The following CNTNAP2 variants were observed in gnomAD, a reference collection of about 807,000 sequenced individuals.
CNTNAP2 encodes contactin-associated protein-like 2.
In CNTNAP2, 98 loss-of-function variants were observed where a neutral mutation model predicts 155.2. That is an observed-to-expected ratio of 0.63 (90% CI 0.54 to 0.75). The LOEUF (loss-of-function observed/expected upper bound fraction) is 0.75. CNTNAP2 is among the 30% of genes least tolerant of loss of function. The pLI, the probability that CNTNAP2 is intolerant of heterozygous loss-of-function variation, is 0.00. For synonymous variants in CNTNAP2, 651 were observed against 631.2 expected (o/e 1.03, Z -0.47); for missense variants, 1,727 against 1,688.1 (o/e 1.02, Z -0.40).
At chr7:148,039,602 C>A (rs73468147) in intron 15 of CNTNAP2, among the ~76,000 whole-genome samples, 11,733 of 152,200 alleles carry the variant, frequency 0.077, 1,085 homozygotes, top group African/African-American at 0.22. Flanking sequence ...CCAGTACCAA[C>A]CCCTAGGTTT....
rs756235546 is a variant in CNTNAP2 at position 147,763,191 on chromosome 7, G to A, written c.2098+123885G>A. On this transcript the variant is annotated intron_variant, in intron 13 of 23. Coordinates refer to ENST00000361727, the MANE Select transcript of CNTNAP2 (RefSeq NM_014141.6). The stretch of plus-strand genomic sequence containing the variant: ...GGAGAATCACTTGAACCCGGGAGGC[G>A]GAGGTTGTGGTGAGCCAAGATCATG... Among the ~76,000 whole-genome samples the A allele has an allele frequency of 5.3e-4, 81 of 151,664 alleles. 2 individuals are homozygous for A. The highest frequency in any genetic ancestry group is 3.5e-3 in the South Asian group (17 of 4,800).
At chr7:147,346,691 T>TA (rs1410048046) in intron 9 of CNTNAP2, among the ~76,000 whole-genome samples, 4 of 152,232 alleles carry the variant, frequency 2.6e-5, no homozygotes, top group Admixed American at 6.5e-5. Context: ...TACCACAATT[T>TA]ACACAGCAAA....
At chr7:148,118,347 C>G (rs1032705179) in intron 16 of CNTNAP2, 59 bp downstream of exon 16, 1 of 1,581,944 alleles carries the variant, frequency 6.3e-7, no homozygotes, top group Non-Finnish European at 8.7e-7. Flanking sequence ...CAGGGTGGTC[C>G]GGGTCCTGAT....
chr7:147,101,566 A>G (rs1197508166), intron 4 of CNTNAP2, among the ~76,000 whole-genome samples: 1 of 152,156 alleles, frequency 6.6e-6, no homozygotes, highest in Non-Finnish European at 1.5e-5. Context: ...TGGCATTCAG[A>G]AAGAATCAGG....
intron 1 of CNTNAP2, among the ~76,000 whole-genome samples, chr7:146,218,531 A>T (rs1799153802): frequency 2.6e-5 from 2 of 75,482 alleles, no homozygotes; most frequent in African/African-American, 7.0e-5. Flanking sequence ...AAAAACAAAA[A>T]CAAACAAACA....
intron 2 of CNTNAP2, among the ~76,000 whole-genome samples, chr7:146,787,687 C>T (rs1167095463): frequency 6.6e-6 from 1 of 152,186 alleles, no homozygotes. Flanking sequence ...TCACTGCTGG[C>T]TGGGGTGGCC....
intron 13 of CNTNAP2, among the ~76,000 whole-genome samples, chr7:147,668,099 G>C (rs910979475): frequency 5.9e-5 from 9 of 152,118 alleles, no homozygotes; most frequent in African/African-American, 1.7e-4. Context: ...TTGAGAAATT[G>C]ACTAATGAGG....
At chr7:147,405,526 G>T (rs1176647915) in intron 10 of CNTNAP2, among the ~76,000 whole-genome samples, 2 of 152,130 alleles carry the variant, frequency 1.3e-5, no homozygotes, top group African/African-American at 4.8e-5. Context: ...TCCTTCATTT[G>T]CTATATGCTC....
At chr7:147,732,758 G>A (rs539723594) in intron 13 of CNTNAP2, among the ~76,000 whole-genome samples, 286 of 152,266 alleles carry the variant, frequency 1.9e-3, no homozygotes, top group Middle Eastern at 6.8e-3. Flanking sequence ...ATCTCATTGT[G>A]GTTTTGATTT....
Position 147,178,372 on chromosome 7 carries a change from G to A in CNTNAP2, c.1348+45863G>A, listed in dbSNP as rs1026402840. Among the ~76,000 whole-genome samples, 3 of 152,168 alleles carry A rather than the reference G, an allele frequency of 2.0e-5. No individual in the cohort carries two copies. In the East Asian group the frequency reaches 5.8e-4, roughly 29 times the overall value. On this transcript the variant is annotated intron_variant, in intron 8 of 23. Coordinates refer to ENST00000361727, the MANE Select transcript of CNTNAP2 (RefSeq NM_014141.6). ...AAGGAACGTGGACCCCATTTAGAAG[G>A]TGGAAAAGGCAAGGAAACAGTTTCT...
intron 13 of CNTNAP2, among the ~76,000 whole-genome samples, chr7:147,746,361 T>G (rs1432825699): frequency 6.6e-6 from 1 of 152,218 alleles, no homozygotes; most frequent in Non-Finnish European, 1.5e-5. Flanking sequence ...CTTGTGCCCC[T>G]TCTAGTAGAG....
At chr7:148,022,710 G>A (rs1802306041) in intron 15 of CNTNAP2, among the ~76,000 whole-genome samples, 1 of 75,480 alleles carries the variant, frequency 1.3e-5, no homozygotes, top group South Asian at 2.9e-4. Context: ...TGTTTGTTTG[G>A]TTGGTTTTTT....
chr7:146,969,905 G>T (rs576744719), intron 3 of CNTNAP2, among the ~76,000 whole-genome samples: 1 of 152,094 alleles, frequency 6.6e-6, no homozygotes, highest in South Asian at 2.1e-4. Flanking sequence ...AAATAATGCC[G>T]CATATCTACA....
At chr7:147,273,987 T>G (rs1458829789) in intron 8 of CNTNAP2, among the ~76,000 whole-genome samples, 1 of 147,974 alleles carries the variant, frequency 6.8e-6, no homozygotes, top group East Asian at 1.9e-4. Context: ...GTATGTTATG[T>G]AGTATATATT....
intron 12 of CNTNAP2, among the ~76,000 whole-genome samples, chr7:147,600,757 C>T (rs936421554): frequency 6.6e-6 from 1 of 152,016 alleles, no homozygotes; most frequent in African/African-American, 2.4e-5. Flanking sequence ...TTTGACCTTC[C>T]CTTTCCTTTT....
At chr7:146,935,227 T>C (rs146389552) in intron 3 of CNTNAP2, among the ~76,000 whole-genome samples, 1 of 152,304 alleles carries the variant, frequency 6.6e-6, no homozygotes, top group African/African-American at 2.4e-5. Flanking sequence ...ACTCTTATCT[T>C]TGAGTAATTT....
rs2116789426 is a variant in CNTNAP2, at chr7:147,562,215, A to T, written c.1855A>T (p.Ser619Cys). Residue 619 changes from serine (S) to cysteine (C), a missense_variant, in exon 12 of 24, where the codon AGC (serine) becomes TGC (cysteine). Physicochemically the swap from Ser to Cys is moderately radical, Grantham distance 112 (BLOSUM62 -1). Coordinates refer to ENST00000361727, the MANE Select transcript of CNTNAP2 (RefSeq NM_014141.6). Reference sequence around the variant, plus strand: ...TTATTACTGGATAGATCCTGATGGCAGCGGACCTCTGGGGCCTCTGAAAGT... The same window carrying T: ...TTATTACTGGATAGATCCTGATGGCTGCGGACCTCTGGGGCCTCTGAAAGT... ...SNYYWIDPDG[S>C]GPLGPLKVYC... 2 of 1,614,044 alleles carry T rather than the reference A, an allele frequency of 1.2e-6. No homozygotes were observed. Among genetic ancestry groups the T allele is most frequent in the Middle Eastern group, 1.7e-4 (1 of 6,058 alleles).
At chr7:146,941,404 A>G (rs1454420400) in intron 3 of CNTNAP2, among the ~76,000 whole-genome samples, 2 of 152,124 alleles carry the variant, frequency 1.3e-5, no homozygotes, top group African/African-American at 4.8e-5. Flanking sequence ...CTACATTTCA[A>G]TTTTGGATGT....
At chr7:148,169,691 G>A (rs531548462) in intron 17 of CNTNAP2, among the ~76,000 whole-genome samples, 3 of 152,176 alleles carry the variant, frequency 2.0e-5, no homozygotes, top group Non-Finnish European at 4.4e-5. Context: ...GCTGGGCACG[G>A]TGGCTCACAC....
Sources: allele counts gnomAD v4.1 joint callset (sites outside exome capture counted in the v4.1 genomes callset), GRCh38; gene constraint gnomAD v4.1.1; transcripts MANE v1.5; gene names NCBI Gene and HGNC (gene_info 2026-07-23, HGNC 2026-07-21).